Variants in RBBP8 observed in about 807,000 individuals in gnomAD.
RBBP8 encodes the protein RB binding protein 8, endonuclease.
Under a neutral mutation model 108.3 loss-of-function variants are expected in RBBP8, and 88 were observed. That is an observed-to-expected ratio of 0.81 (90% CI 0.68 to 0.97). RBBP8 has a LOEUF of 0.97. Ranked by LOEUF, RBBP8 falls within the 50% of genes least tolerant of loss-of-function variation. The probability of loss-of-function intolerance (pLI) is 0.00; values close to 1 mark genes in which losing one functional copy is unlikely to be tolerated. For synonymous variants in RBBP8, 332 were observed against 348.2 expected, an observed-to-expected ratio of 0.95 and a Z score of 0.52; for missense variants, 1,023 against 1,049.0, an observed-to-expected ratio of 0.98 and a Z score of 0.34.
intron 3 of RBBP8, among the ~76,000 whole-genome samples, chr18:22,919,100 G>C (rs185572265): frequency 6.6e-6 from 1 of 152,296 alleles, no homozygotes; most frequent in East Asian, 1.9e-4. Flanking sequence ...ATTTTCTAAA[G>C]ATAATATTAA....
intron 3 of RBBP8, among the ~76,000 whole-genome samples, chr18:22,918,867 C>A (rs1311579326): frequency 6.6e-6 from 1 of 152,092 alleles, no homozygotes; most frequent in Non-Finnish European, 1.5e-5. Flanking sequence ...CCCACCTCAG[C>A]CTAAGAATTT....
intron 16 of RBBP8, among the ~76,000 whole-genome samples, chr18:23,014,467 G>C (rs7243797): frequency 0.73 from 110,916 of 151,992 alleles, 40,822 homozygotes; most frequent in Middle Eastern, 0.9. Context: ...GACCTCATCT[G>C]TACTAAAAAG....
intron 6 of RBBP8, 83 bp from the exon 7 acceptor site, chr18:22,982,135 T>C: frequency 7.0e-7 from 1 of 1,438,102 alleles, no homozygotes; most frequent in Non-Finnish European, 9.6e-7. Flanking sequence ...TTCATGTTTG[T>C]GTTCTACTGT....
intron 4 of RBBP8, among the ~76,000 whole-genome samples, chr18:22,961,749 TTG>T (rs1014893279): frequency 2.2e-4 from 33 of 152,194 alleles, no homozygotes; most frequent in African/African-American, 7.7e-4. Flanking sequence ...AGCCAAAAGA[TTG>T]GACACCCCGT....
intron 2 of RBBP8, among the ~76,000 whole-genome samples, chr18:22,916,660 T>C (rs1370975889): frequency 6.6e-6 from 1 of 152,152 alleles, no homozygotes; most frequent in Admixed American, 6.5e-5. Context: ...TGGCTGAATA[T>C]ATATGGGATT....
At chr18:23,020,472 G>C (rs538697265) in intron 17 of RBBP8, among the ~76,000 whole-genome samples, 2 of 152,138 alleles carry the variant, frequency 1.3e-5, no homozygotes, top group South Asian at 4.2e-4. Context: ...AGCAGTTATA[G>C]GTTCACAGCA....
intron 15 of RBBP8, among the ~76,000 whole-genome samples, chr18:23,002,506 A>G (rs893031747): frequency 1.3e-5 from 2 of 152,164 alleles, no homozygotes; most frequent in East Asian, 1.9e-4. Context: ...TAATGTAACT[A>G]TGTGTATTAG....
intron 2 of RBBP8, among the ~76,000 whole-genome samples, chr18:22,943,251 C>G (rs1048969862): frequency 6.6e-6 from 1 of 150,782 alleles, no homozygotes; most frequent in African/African-American, 2.5e-5. Flanking sequence ...GCCTGGACAA[C>G]AAAGCGAGAC....
intron 4 of RBBP8, among the ~76,000 whole-genome samples, chr18:22,965,026 A>G (rs957489112): frequency 9.9e-5 from 15 of 152,032 alleles, no homozygotes; most frequent in African/African-American, 3.6e-4. Flanking sequence ...AGTGAGGGGG[A>G]AAAATTAGCT....
chr18:22,929,700 T>G (rs1487355936), upstream of RBBP8, among the ~76,000 whole-genome samples: 3 of 152,110 alleles, frequency 2.0e-5, no homozygotes, highest in Non-Finnish European at 2.9e-5. Context: ...TATTTTTAAC[T>G]GCAAATGGTT....
chr18:22,996,235 T>A, intron 12 of RBBP8, 139 bp from the exon 13 acceptor site: 1 of 1,369,786 alleles, frequency 7.3e-7, no homozygotes, highest in Non-Finnish European at 9.7e-7. Context: ...TGAGAGTTCT[T>A]TATATATCTT....
chr18:23,023,929 A>G (rs1428780754), intron 18 of RBBP8, among the ~76,000 whole-genome samples: 2 of 132,140 alleles, frequency 1.5e-5, no homozygotes, highest in Admixed American at 8.7e-5. Context: ...CTGGAGTGCA[A>G]ATGGCACAAT....
chr18:22,946,344 G>C, intron 2 of RBBP8, 100 bp from the exon 3 acceptor site: 2 of 1,520,668 alleles, frequency 1.3e-6, no homozygotes, highest in South Asian at 1.2e-5. Context: ...ATGAGACCTG[G>C]TTTATTATTT....
At chr18:23,014,911 G>T (rs2046231866) in intron 16 of RBBP8, among the ~76,000 whole-genome samples, 1 of 151,846 alleles carries the variant, frequency 6.6e-6, no homozygotes, top group South Asian at 2.1e-4. Flanking sequence ...TTTGAGACAG[G>T]ATCTCACTTT....
chr18:23,004,724 C>T (rs1188151781), intron 15 of RBBP8: 1 of 152,286 alleles, frequency 6.6e-6, no homozygotes, highest in Non-Finnish European at 1.5e-5. Context: ...CAGGAGACCA[C>T]TAAGTTGCTC....
At chr18:22,974,198 C>T (rs1193448321) in intron 5 of RBBP8, among the ~76,000 whole-genome samples, 1 of 152,188 alleles carries the variant, frequency 6.6e-6, no homozygotes, top group Non-Finnish European at 1.5e-5. Context: ...TAACCAGTGA[C>T]ATCATACTAA....
intron 7 of RBBP8, 100 bp from the exon 8 acceptor site, chr18:22,984,786 A>G: frequency 1.5e-6 from 1 of 664,996 alleles, no homozygotes; most frequent in Non-Finnish European, 2.5e-6. Flanking sequence ...AAATACAGAT[A>G]ATACATAAAA....
chr18:22,964,371 A>C, intron 4 of RBBP8, among the ~76,000 whole-genome samples: 1 of 121,806 alleles, frequency 8.2e-6, no homozygotes, highest in South Asian at 2.8e-4. Context: ...CTGGAGACTT[A>C]GGTTTTTTTT....
At chr18:22,969,494 C>T (rs1469746217) in intron 5 of RBBP8, among the ~76,000 whole-genome samples, 2 of 152,130 alleles carry the variant, frequency 1.3e-5, no homozygotes, top group Non-Finnish European at 2.9e-5. Flanking sequence ...AACTCACAAT[C>T]AATATATTCA....
Sources: allele counts gnomAD v4.1 joint callset (sites outside exome capture counted in the v4.1 genomes callset), GRCh38; gene constraint gnomAD v4.1.1; transcripts MANE v1.5; gene names NCBI Gene and HGNC (gene_info 2026-07-23, HGNC 2026-07-21).